The following SHANK2 variants were observed in gnomAD, a reference collection of about 807,000 sequenced individuals.
The protein encoded by SHANK2 is SH3 and multiple ankyrin repeat domains 2, also known as SH3 and multiple ankyrin repeat domains protein 2.
In SHANK2, 43 loss-of-function variants were observed where a neutral mutation model predicts 133.7. That is an observed-to-expected ratio of 0.32 (90% CI 0.25 to 0.41). The LOEUF is 0.41. Ranked by LOEUF, SHANK2 falls within the 10% of genes least tolerant of loss-of-function variation. The pLI is 1.00. For missense variants in SHANK2, 1,994 were observed against 2,235.8 expected (o/e 0.89, Z 2.18); for synonymous variants, 1,017 against 952.8 (o/e 1.07, Z -1.24).
chr11:70,891,196 G>T (rs1555074664), intron 11 of SHANK2, among the ~76,000 whole-genome samples: 2 of 152,096 alleles, frequency 1.3e-5, no homozygotes, highest in African/African-American at 4.8e-5. Context: ...TCAGTTGGTG[G>T]CAACAACCAC....
intron 17 of SHANK2, among the ~76,000 whole-genome samples, chr11:70,525,267 G>A (rs937818938): frequency 2.6e-5 from 4 of 152,196 alleles, no homozygotes; most frequent in African/African-American, 7.2e-5. Context: ...CCTGGGCCAC[G>A]GTGTATACCT....
At chr11:71,231,438 C>T (rs1177154024) in intron 1 of SHANK2, among the ~76,000 whole-genome samples, 1 of 152,118 alleles carries the variant, frequency 6.6e-6, no homozygotes, top group African/African-American at 2.4e-5. Flanking sequence ...ATCACATTGC[C>T]GGTGGAAAAC....
chr11:70,720,199 G>C (rs1343972598), intron 14 of SHANK2, among the ~76,000 whole-genome samples: 13 of 152,172 alleles, frequency 8.5e-5, no homozygotes. Flanking sequence ...CATAAACACC[G>C]ACTACCTGCA....
intron 10 of SHANK2, among the ~76,000 whole-genome samples, chr11:70,934,840 G>C (rs544664861): frequency 2.0e-5 from 3 of 152,300 alleles, no homozygotes; most frequent in East Asian, 3.9e-4. Flanking sequence ...CCTTGCTGGG[G>C]AATGTCCTGT....
intron 11 of SHANK2, among the ~76,000 whole-genome samples, chr11:70,876,243 G>GACACACACAC (rs3064243): frequency 0.091 from 12,307 of 134,734 alleles, 817 homozygotes; most frequent in African/African-American, 0.16. Context: ...CACACATATA[G>GACACACACAC]ACACACACAC....
intron 11 of SHANK2, among the ~76,000 whole-genome samples, chr11:70,837,726 AC>A (rs1411516819): frequency 1.3e-5 from 2 of 151,972 alleles, no homozygotes; most frequent in African/African-American, 2.4e-5. Flanking sequence ...TGTAATCCCT[AC>A]ACTTTGGGAG....
Position 71,119,112 on chromosome 11 carries a change from G to A in SHANK2, c.208-80C>T, listed in dbSNP as rs1952037017. On this transcript the variant is annotated intron_variant, in intron 3 of 25. Transcript: ENST00000601538. ...CCCATGTGGGGCGCGTGGTCAGAGA[G>A]GCAAAGCTGCTTCCACCCCTTCCCG... 2.1e-5 allele frequency: 26 copies of A among 1,265,694 alleles called. No individual in the cohort carries two copies. The South Asian group carries it at 3.2e-4, about 16-fold the overall frequency. The allele number at this position is 1,265,694 out of a possible 1,614,324, so 78.4% of individuals were successfully genotyped here.
chr11:70,687,776 A>G (rs1555019991), intron 15 of SHANK2, among the ~76,000 whole-genome samples: 1 of 152,152 alleles, frequency 6.6e-6, no homozygotes, highest in African/African-American at 2.4e-5. Context: ...CCCCTGCCCC[A>G]TCCAGGTGGG....
chr11:71,243,416 C>G (rs188317837), intron 1 of SHANK2, among the ~76,000 whole-genome samples: 1 of 152,144 alleles, frequency 6.6e-6, no homozygotes, highest in Non-Finnish European at 1.5e-5. Context: ...GGAGTCAGGC[C>G]GGGCGTGGTG....
intron 14 of SHANK2, among the ~76,000 whole-genome samples, chr11:70,783,481 G>C (rs1378958085): frequency 6.6e-6 from 1 of 152,160 alleles, no homozygotes; most frequent in African/African-American, 2.4e-5. Context: ...CCAGATACCA[G>C]GGACAGCTGT....
chr11:70,906,091 G>A (rs1183902929), intron 10 of SHANK2, among the ~76,000 whole-genome samples: 1 of 152,162 alleles, frequency 6.6e-6, no homozygotes, highest in African/African-American at 2.4e-5. Flanking sequence ...GGGATCACAG[G>A]ATTGCACCCA....
chr11:70,798,037 G>A (rs1168100119), intron 14 of SHANK2, among the ~76,000 whole-genome samples: 3 of 152,142 alleles, frequency 2.0e-5, no homozygotes, highest in Admixed American at 2.0e-4. Flanking sequence ...CAGTTTTTAC[G>A]GAGGCGTTTG....
chr11:71,056,632 C>CTCAA (rs1370095826), intron 9 of SHANK2, 74 bp from the exon 10 acceptor site: 1 of 152,198 alleles, frequency 6.6e-6, no homozygotes, highest in African/African-American at 2.4e-5. Context: ...TGTCCAGAGT[C>CTCAA]TCAAGCTCAC....
intron 14 of SHANK2, among the ~76,000 whole-genome samples, chr11:70,719,699 G>A (rs1310639378): frequency 1.3e-5 from 2 of 151,900 alleles, no homozygotes; most frequent in Non-Finnish European, 2.9e-5. Flanking sequence ...GGAGGCAGAA[G>A]CTGCGGAGAC....
At chr11:70,662,355 G>A (rs1407009542) in intron 15 of SHANK2, among the ~76,000 whole-genome samples, 1 of 152,200 alleles carries the variant, frequency 6.6e-6, no homozygotes, top group Non-Finnish European at 1.5e-5. Flanking sequence ...CGAGCCCACA[G>A]TGCGCCCGGC....
At chr11:70,619,297 G>T (rs2060799068) in intron 17 of SHANK2, among the ~76,000 whole-genome samples, 1 of 152,218 alleles carries the variant, frequency 6.6e-6, no homozygotes, top group African/African-American at 2.4e-5. Flanking sequence ...AGCGGCGTTG[G>T]CAGGGCTGGC....
chr11:71,158,475 T>C (rs11604398), intron 2 of SHANK2, among the ~76,000 whole-genome samples: 16,013 of 152,216 alleles, frequency 0.11, 1,077 homozygotes, highest in Non-Finnish European at 0.14. Flanking sequence ...GAATTGAAGG[T>C]AGACCCAAAT....
intron 10 of SHANK2, among the ~76,000 whole-genome samples, chr11:70,905,257 C>T (rs1555077695): frequency 6.6e-6 from 1 of 152,136 alleles, no homozygotes; most frequent in African/African-American, 2.4e-5. Flanking sequence ...TCAGGCAACC[C>T]CTTTCAAGAC....
chr11:71,064,800 G>A (rs1030725594), intron 9 of SHANK2, among the ~76,000 whole-genome samples: 1 of 152,082 alleles, frequency 6.6e-6, no homozygotes, highest in African/African-American at 2.4e-5. Context: ...CAGGGGAAGG[G>A]CGTTATTTAC....
Sources: allele counts gnomAD v4.1 joint callset (sites outside exome capture counted in the v4.1 genomes callset), GRCh38; gene constraint gnomAD v4.1.1; transcripts MANE v1.5; gene names NCBI Gene and HGNC (gene_info 2026-07-23, HGNC 2026-07-21).